The following SPATA18 variants were observed in gnomAD, a reference collection of about 807,000 sequenced individuals.
SPATA18 encodes mitochondria-eating protein.
In SPATA18, 54 loss-of-function variants were observed where a neutral mutation model predicts 68.1. The ratio of observed to expected loss-of-function variants is 0.79; its 90% CI spans 0.64 to 0.99. SPATA18 has a LOEUF of 0.99. Ranked by LOEUF, SPATA18 falls within the 50% of genes least tolerant of loss-of-function variation. SPATA18 has a pLI of 0.00. For synonymous variants in SPATA18, 242 were observed against 244.8 expected (o/e 0.99, Z 0.11); for missense variants, 724 against 681.1 (o/e 1.06, Z -0.70).
At position 52,069,930 on chromosome 4, in the gene SPATA18, T is replaced by G. The variant is rs2109450416; in HGVS notation, c.518+14T>G. The G allele has an allele frequency of 6.4e-7, 1 of 1,571,462 alleles. No homozygotes were observed. The highest frequency in any genetic ancestry group is 2.3e-5 in the East Asian group (1 of 44,240). ...GCTGAAAAAGCAGTAAGAAAAAAAT[T>G]ACAGGATTATTGCAGCCTAAATCAT... On this transcript the variant is annotated intron_variant, in intron 5 of 12. Transcript: ENST00000295213.
chr4:52,067,114 C>T (rs575479387), intron 4 of SPATA18, among the ~76,000 whole-genome samples: 3 of 152,304 alleles, frequency 2.0e-5, no homozygotes, highest in South Asian at 4.1e-4. Flanking sequence ...TATATTTCCA[C>T]TAACAGTGTG....
intron 4 of SPATA18, among the ~76,000 whole-genome samples, chr4:52,063,392 C>A (rs1351097175): frequency 6.6e-6 from 1 of 152,152 alleles, no homozygotes; most frequent in Non-Finnish European, 1.5e-5. Flanking sequence ...AGACATTTTT[C>A]TTTGTGCCTG....
At chr4:52,059,292 A>G (rs1208520939) in intron 1 of SPATA18, among the ~76,000 whole-genome samples, 1 of 152,216 alleles carries the variant, frequency 6.6e-6, no homozygotes, top group Non-Finnish European at 1.5e-5. Context: ...TGTTGTGTCC[A>G]GGAGGCACCA....
Position 52,094,985 on chromosome 4 carries a change from A to T in SPATA18, c.*98A>T. On this transcript the variant is annotated 3_prime_UTR_variant, in exon 13 of 13. Coordinates refer to ENST00000295213, the MANE Select transcript of SPATA18 (RefSeq NM_145263.4). The stretch of plus-strand genomic sequence containing the variant: ...GTGTCTGCCTCAGACCTCACTTAAG[A>T]TAATGTCAAAAGGCAATTCTGTGTA... 2 of 1,468,168 alleles carry T rather than the reference A, an allele frequency of 1.4e-6. No individual in the cohort carries two copies. Among genetic ancestry groups the T allele is most frequent in the Non-Finnish European group, 1.9e-6 (2 of 1,048,376 alleles). The allele number at this position is 1,468,168 out of a possible 1,614,324, so 90.9% of individuals were successfully genotyped here.
At position 52,082,399 on chromosome 4, in the gene SPATA18, C is replaced by G; in HGVS notation, c.1368C>G (p.Ser456Arg). ...EVFNDCKYRR[S>R]YDSDFTAPLV... is the part of the protein sequence containing the mutation. ...ATATTGAAAACAGATACCGCCGCAG[C>G]TACGACTCGGATTTCACTGCTCCCT... The change falls in exon 10 of 13, where the codon AGC (serine) becomes AGG (arginine). Residue 456 changes from serine to arginine, a missense_variant. By Grantham distance (110) the Ser-to-Arg change is moderately radical. Transcript: ENST00000295213. 1 of 1,613,962 alleles carries G rather than the reference C, an allele frequency of 6.2e-7. No homozygotes were observed. The highest frequency in any genetic ancestry group is 2.2e-5 in the East Asian group (1 of 44,860).
intron 1 of SPATA18, among the ~76,000 whole-genome samples, chr4:52,059,412 G>C (rs1456995327): frequency 6.6e-6 from 1 of 152,206 alleles, no homozygotes; most frequent in Non-Finnish European, 1.5e-5. Context: ...GTTGGAGTCA[G>C]TTAGAGATTT....
At position 52,076,647 on chromosome 4, in the gene SPATA18, T is replaced by C; in HGVS notation, c.759-132T>C. The C allele has an allele frequency of 3.3e-6, 4 of 1,200,712 alleles. No individual in the cohort carries two copies. The South Asian group carries it at 6.0e-5, about 18-fold the overall frequency. The allele number at this position is 1,200,712 out of a possible 1,614,324, so 74.4% of individuals were successfully genotyped here. A position where few individuals can be genotyped will look rare whatever the true frequency, so the allele number is the denominator to read the frequency against. ...GCTGGAGTCAGATAATAGGGAAGTC[T>C]AATCACTTCTGAATTCCTCAGATAA... On this transcript the variant is annotated intron_variant, in intron 6 of 12. Coordinates refer to ENST00000295213, the MANE Select transcript of SPATA18 (RefSeq NM_145263.4).
intron 1 of SPATA18, among the ~76,000 whole-genome samples, chr4:52,058,887 T>C (rs1038844741): frequency 2.6e-5 from 4 of 152,216 alleles, no homozygotes; most frequent in Non-Finnish European, 4.4e-5. Context: ...AGCTTTCTCA[T>C]CTGAAATGGG....
At chr4:52,060,030 C>G (rs1560582811) in intron 1 of SPATA18, among the ~76,000 whole-genome samples, 1 of 152,214 alleles carries the variant, frequency 6.6e-6, no homozygotes, top group African/African-American at 2.4e-5. Context: ...AGCATTCAGT[C>G]AGCAGCCTTG....
chr4:52,083,827 G>A (rs1017157103), intron 10 of SPATA18, among the ~76,000 whole-genome samples: 42 of 146,178 alleles, frequency 2.9e-4, no homozygotes, highest in African/African-American at 8.4e-4. Context: ...TGCAACCTCC[G>A]CCTCCCAGGT....
Position 52,079,775 on chromosome 4 carries a change from A to C in SPATA18, c.1211A>C (p.Lys404Thr). 2 of 1,613,972 alleles carry C rather than the reference A, an allele frequency of 1.2e-6. No homozygotes were observed. The highest frequency in any genetic ancestry group is 1.7e-6 in the Non-Finnish European group (2 of 1,179,904). Residue 404 changes from lysine to threonine, a missense_variant, in exon 9 of 13, where the codon AAG (lysine) becomes ACG (threonine). Lys to Thr is a moderately conservative substitution (Grantham distance 78). Coordinates refer to ENST00000295213, the MANE Select transcript of SPATA18 (RefSeq NM_145263.4). ...ATCCGAGCCATGAATGTCAATCCCA[A>C]GATTTCATTCCCTCCTGTCGTTGAC... ...DVIRAMNVNP[K>T]ISFPPVVDFC... is the part of the protein sequence containing the mutation.
At chr4:52,077,148 G>A (rs538937734) in intron 7 of SPATA18, 108 bp downstream of exon 7, 1 of 1,240,930 alleles carries the variant, frequency 8.1e-7, no homozygotes, top group East Asian at 2.7e-5. Flanking sequence ...GGTCACTGAA[G>A]TGGGGGAGAT....
At chr4:52,067,239 C>A (rs1267627144) in intron 4 of SPATA18, among the ~76,000 whole-genome samples, 1 of 152,144 alleles carries the variant, frequency 6.6e-6, no homozygotes. Context: ...ATTTGCATTT[C>A]TCTAATAATC....
chr4:52,093,825 C>G (rs1451227034), intron 11 of SPATA18, among the ~76,000 whole-genome samples: 6 of 152,208 alleles, frequency 3.9e-5, no homozygotes, highest in African/African-American at 1.4e-4. Flanking sequence ...AGAATAAAAT[C>G]TAATCTCAAA....
intron 11 of SPATA18, among the ~76,000 whole-genome samples, chr4:52,087,421 T>A (rs919545647): frequency 1.3e-5 from 2 of 152,216 alleles, no homozygotes; most frequent in Admixed American, 6.5e-5. Flanking sequence ...AAGTCTTTGG[T>A]CCATCTTGAG....
At chr4:52,075,624 G>T (rs914972693) in intron 6 of SPATA18, among the ~76,000 whole-genome samples, 1 of 152,168 alleles carries the variant, frequency 6.6e-6, no homozygotes, top group Non-Finnish European at 1.5e-5. Context: ...CTCTCAGATG[G>T]CTCCTGAGTG....
At chr4:52,077,545 G>C (rs1216684087) in intron 7 of SPATA18, among the ~76,000 whole-genome samples, 1 of 151,608 alleles carries the variant, frequency 6.6e-6, no homozygotes, top group South Asian at 2.1e-4. Flanking sequence ...TGGTTATATT[G>C]ACCAGGCATT....
At chr4:52,074,643 G>A (rs565421973) in intron 6 of SPATA18, among the ~76,000 whole-genome samples, 89 of 152,306 alleles carry the variant, frequency 5.8e-4, no homozygotes, top group African/African-American at 2.1e-3. Flanking sequence ...AATGGGCAGT[G>A]ATTAGACAGA....
intron 10 of SPATA18, chr4:52,083,083 G>C (rs529918634): frequency 3.4e-6 from 3 of 878,688 alleles, no homozygotes; most frequent in Middle Eastern, 6.0e-4. Flanking sequence ...TTAAATACTT[G>C]AACAGCCTTT....
Sources: allele counts gnomAD v4.1 joint callset (sites outside exome capture counted in the v4.1 genomes callset), GRCh38; gene constraint gnomAD v4.1.1; transcripts MANE v1.5; gene names NCBI Gene and HGNC (gene_info 2026-07-23, HGNC 2026-07-21).